The following BTG2 variants were observed in gnomAD, a reference collection of about 807,000 sequenced individuals.
BTG2 encodes the protein BTG anti-proliferation factor 2.
A neutral mutation model predicts 13.1 loss-of-function variants in BTG2; 9 were observed. The ratio of observed to expected loss-of-function variants is 0.69; its 90% CI spans 0.41 to 1.20. BTG2 has a LOEUF of 1.20. Ranked by LOEUF, BTG2 falls within the 50% of genes most tolerant of loss-of-function variation. The pLI, the probability that BTG2 is intolerant of heterozygous loss-of-function variation, is 0.00. For missense variants in BTG2, 200 were observed against 209.5 expected (o/e 0.95, Z 0.28); for synonymous variants, 92 against 88.6 (o/e 1.04, Z -0.21).
rs1444862686 is a variant in BTG2 at position 203,307,631 on chromosome 1, G to T, written c.*193G>T. The T allele has an allele frequency of 2.3e-6, 1 of 428,244 alleles. No individual in the cohort carries two copies. The highest frequency in any genetic ancestry group is 3.9e-6 in the Non-Finnish European group (1 of 253,392). The allele number at this position is 428,244 out of a possible 1,614,324, so 26.5% of individuals were successfully genotyped here. A position where few individuals can be genotyped will look rare whatever the true frequency, so the allele number is the denominator to read the frequency against. On this transcript the variant is annotated 3_prime_UTR_variant, in exon 2 of 2. Coordinates refer to ENST00000290551, the MANE Select transcript of BTG2 (RefSeq NM_006763.3). ...AATCCTTCAAGGGAGCTGCTTGGAA[G>T]TGGCCTCCCCAGGTGCCTTTGGAGA... is the stretch of plus-strand genomic sequence containing the variant.
At chr1:203,305,801 C>T in intron 1 of BTG2, 53 bp downstream of exon 1, 1 of 1,518,284 alleles carries the variant, frequency 6.6e-7, no homozygotes, top group Non-Finnish European at 8.8e-7. Flanking sequence ...CCATCCCTGC[C>T]AGGGCCGTCT....
chr1:203,307,635 C>T lies in BTG2; in HGVS notation c.*197C>T. 2.4e-6 allele frequency: 1 copy of T among 414,904 alleles called. No homozygotes were observed. The highest frequency in any genetic ancestry group is 7.0e-5 in the South Asian group (1 of 14,224). 25.7% of individuals were successfully genotyped at this position (414,904 alleles called of 1,614,324 possible). ...CTTCAAGGGAGCTGCTTGGAAGTGG[C>T]CTCCCCAGGTGCCTTTGGAGAGAAC... is the stretch of plus-strand genomic sequence containing the variant. On this transcript the variant is annotated 3_prime_UTR_variant, in exon 2 of 2. Transcript: ENST00000290551.
intron 1 of BTG2, among the ~76,000 whole-genome samples, chr1:203,306,378 G>C: frequency 6.6e-6 from 1 of 152,174 alleles, no homozygotes; most frequent in East Asian, 1.9e-4. Context: ...GAGGTGAAGA[G>C]ATAAGCAGCC....
In BTG2 at chr1:203,305,748, G is replaced by A. The variant is rs753317706; in HGVS notation, c.142G>A (p.Glu48Lys). 3 of 1,545,950 alleles carry A rather than the reference G, an allele frequency of 1.9e-6. No homozygotes were observed. Among genetic ancestry groups the A allele is most frequent in the East Asian group, 2.5e-5 (1 of 40,464 alleles). ...CGGGGCGCTCCAGGAGGCACTCACA[G>A]GTGAGCGCATGCCGAGGGGCCTGGC... ...FSGALQEALT[E>K]HYKHHWFPEK... is the part of the protein sequence containing the mutation. The change falls in exon 1 of 2, where the codon GAG becomes AAG. Residue 48 changes from glutamate to lysine, a missense_variant and splice_region_variant. Transcript: ENST00000290551.
chr1:203,306,079 C>T (rs1658255834), intron 1 of BTG2, among the ~76,000 whole-genome samples: 1 of 152,286 alleles, frequency 6.6e-6, no homozygotes, highest in South Asian at 2.1e-4. Context: ...CCCTCGAGAT[C>T]TTAAGACCCT....
rs1658334796 is a variant in BTG2 at position 203,309,056 on chromosome 1, C to T, written c.*1618C>T. 6.5e-6 allele frequency: 1 copy of T among 152,680 alleles called. No individual in the cohort carries two copies. Among genetic ancestry groups the T allele is most frequent in the Non-Finnish European group, 1.5e-5 (1 of 68,070 alleles). 9.5% of individuals were successfully genotyped at this position (152,680 alleles called of 1,614,324 possible). ...CCAGGTTCTCCTCCCCACAGCCAGT[C>T]CCCTTTCCTGGATTTCTAAACTGCT... On this transcript the variant is annotated 3_prime_UTR_variant, in exon 2 of 2. Transcript: ENST00000290551.
chr1:203,305,885 G>T, intron 1 of BTG2, 137 bp downstream of exon 1: 1 of 1,232,390 alleles, frequency 8.1e-7, no homozygotes, highest in Non-Finnish European at 1.1e-6. Flanking sequence ...GACCCCCGGG[G>T]CGGCCCGCAG....
Position 203,305,550 on chromosome 1 carries a change from C to G in BTG2, c.-57C>G. The stretch of plus-strand genomic sequence containing the variant: ...CGAGCAGCGGCCAGGGTAACGCTGT[C>G]TTGTGGACCCGCACTTCCCACCCGA... On this transcript the variant is annotated 5_prime_UTR_variant, in exon 1 of 2. Transcript: ENST00000290551. 1 of 1,560,606 alleles carries G rather than the reference C, an allele frequency of 6.4e-7. No individual in the cohort carries two copies. Among genetic ancestry groups the G allele is most frequent in the Non-Finnish European group, 8.7e-7 (1 of 1,152,320 alleles).
In BTG2 at chr1:203,307,730, C is replaced by A; in HGVS notation, c.*292C>A. Reference sequence around the variant, plus strand: ...GGGAGCTGTTAGGGGGTAGACCTAGCCAAGGAGAAGTGGGAGACGTTTGGC... The same window carrying A: ...GGGAGCTGTTAGGGGGTAGACCTAGACAAGGAGAAGTGGGAGACGTTTGGC... On this transcript the variant is annotated 3_prime_UTR_variant, in exon 2 of 2. Transcript: ENST00000290551. 4.7e-6 allele frequency: 1 copy of A among 213,508 alleles called. No individual in the cohort carries two copies. The highest frequency in any genetic ancestry group is 9.1e-6 in the Non-Finnish European group (1 of 109,430). The allele number at this position is 213,508 out of a possible 1,614,324, so 13.2% of individuals were successfully genotyped here.
chr1:203,307,401 G>A lies in BTG2; in HGVS notation c.440G>A (p.Ser147Asn), dbSNP rs772569959. Residue 147 changes from serine to asparagine, a missense_variant, in exon 2 of 2, where the codon AGC becomes AAC. Physicochemically the swap from Ser to Asn is conservative, Grantham distance 46. Transcript: ENST00000290551. The stretch of plus-strand genomic sequence containing the variant: ...AACCAAGTGCTGCTGGGCCGGAGCA[G>A]CCCCTCCAAGAACTACGTGATGGCA... ...CKNQVLLGRS[S>N]PSKNYVMAVS... The A allele has an allele frequency of 6.2e-7, 1 of 1,602,932 alleles. No homozygotes were observed. Among genetic ancestry groups the A allele is most frequent in the South Asian group, 1.1e-5 (1 of 90,674 alleles).
intron 1 of BTG2, among the ~76,000 whole-genome samples, chr1:203,306,174 G>C (rs1658266544): frequency 6.6e-6 from 1 of 152,208 alleles, no homozygotes; most frequent in African/African-American, 2.4e-5. Flanking sequence ...CAACAATTTG[G>C]AGTCCCAGTG....
intron 1 of BTG2, among the ~76,000 whole-genome samples, chr1:203,306,793 C>T (rs1389751493): frequency 7.8e-6 from 1 of 128,444 alleles, no homozygotes; most frequent in Non-Finnish European, 1.7e-5. Context: ...GAATCCCCTC[C>T]CAACACGCAC....
Position 203,307,402 on chromosome 1 carries a change from C to G in BTG2, c.441C>G (p.Ser147Arg). The G allele has an allele frequency of 6.2e-7, 1 of 1,602,592 alleles. No homozygotes were observed. Among genetic ancestry groups the G allele is most frequent in the Non-Finnish European group, 8.5e-7 (1 of 1,171,518 alleles). The part of the protein sequence containing the change: ...CKNQVLLGRS[S>R]PSKNYVMAVS... Reference sequence around the variant, plus strand: ...ACCAAGTGCTGCTGGGCCGGAGCAGCCCCTCCAAGAACTACGTGATGGCAG... The same window carrying G: ...ACCAAGTGCTGCTGGGCCGGAGCAGGCCCTCCAAGAACTACGTGATGGCAG... The change falls in exon 2 of 2, where the codon AGC becomes AGG. Residue 147 changes from serine (S) to arginine (R), a missense_variant. Physicochemically the swap from Ser to Arg is moderately radical, Grantham distance 110. Coordinates refer to ENST00000290551, the MANE Select transcript of BTG2 (RefSeq NM_006763.3).
At chr1:203,306,549 CTG>C (rs1658278800) in intron 1 of BTG2, among the ~76,000 whole-genome samples, 1 of 152,120 alleles carries the variant, frequency 6.6e-6, no homozygotes, top group Non-Finnish European at 1.5e-5. Context: ...CCCTTAGGCA[CTG>C]CTAAGGAAGG....
chr1:203,305,756 C>T lies in BTG2; in HGVS notation c.142+8C>T. 1 of 1,543,778 alleles carries T rather than the reference C, an allele frequency of 6.5e-7. No individual in the cohort carries two copies. On this transcript the variant is annotated splice_region_variant and intron_variant, in intron 1 of 1. Coordinates refer to ENST00000290551, the MANE Select transcript of BTG2 (RefSeq NM_006763.3). ...TCCAGGAGGCACTCACAGGTGAGCG[C>T]ATGCCGAGGGGCCTGGCGCCACCGG...
rs969586109 is a variant in BTG2 at position 203,308,583 on chromosome 1, A to G, written c.*1145A>G. The G allele has an allele frequency of 2.6e-5, 4 of 152,768 alleles. No homozygotes were observed. Among genetic ancestry groups the G allele is most frequent in the Middle Eastern group, 3.4e-3 (1 of 296 alleles). 9.5% of individuals were successfully genotyped at this position (152,768 alleles called of 1,614,324 possible). A position where few individuals can be genotyped will look rare whatever the true frequency, so the allele number is the denominator to read the frequency against. The stretch of plus-strand genomic sequence containing the variant: ...GATGCCCTGGTGGGCTTAGGGAACC[A>G]TCTCTCCTGCTCTCCTTGGGATGAT... On this transcript the variant is annotated 3_prime_UTR_variant, in exon 2 of 2. Transcript: ENST00000290551.
chr1:203,307,230 C>T lies in BTG2; in HGVS notation c.269C>T (p.Pro90Leu). The T allele has an allele frequency of 6.2e-7, 1 of 1,614,224 alleles. No individual in the cohort carries two copies. Among genetic ancestry groups the T allele is most frequent in the Non-Finnish European group, 8.5e-7 (1 of 1,180,048 alleles). The change falls in exon 2 of 2, where the codon CCC becomes CTC. Residue 90 changes from proline (P) to leucine (L), a missense_variant. Coordinates refer to ENST00000290551, the MANE Select transcript of BTG2 (RefSeq NM_006763.3). ...RVASQIGLSQPQLHQLLPSEL... is the reference protein window; with the variant it reads ...RVASQIGLSQLQLHQLLPSEL... The stretch of plus-strand genomic sequence containing the variant: ...GCCAGCCAGATCGGACTCAGCCAGC[C>T]CCAGCTGCACCAGCTGCTGCCCAGC...
rs565590165 is a variant in BTG2 at position 203,306,999 on chromosome 1, C to G, written c.143-105C>G. 1.8e-4 allele frequency: 172 copies of G among 938,906 alleles called. No individual in the cohort carries two copies. In the East Asian group the frequency reaches 4.4e-3, roughly 24 times the overall value. 58.2% of individuals were successfully genotyped at this position (938,906 alleles called of 1,614,324 possible). Reference sequence around the variant, plus strand: ...GAATCCACCTCCCTTACTTAAAGGGCCCCTTTCTCTCCTCCTGTCCCTTGA... The same window carrying G: ...GAATCCACCTCCCTTACTTAAAGGGGCCCTTTCTCTCCTCCTGTCCCTTGA... On this transcript the variant is annotated intron_variant, in intron 1 of 1. Coordinates refer to ENST00000290551, the MANE Select transcript of BTG2 (RefSeq NM_006763.3).
At chr1:203,307,043 G>C in intron 1 of BTG2, 61 bp from the exon 2 acceptor site, 1 of 1,458,778 alleles carries the variant, frequency 6.9e-7, no homozygotes, top group Middle Eastern at 1.8e-4. Flanking sequence ...CCCGCCCTAT[G>C]GTAGTATCCA....
Sources: allele counts gnomAD v4.1 joint callset (sites outside exome capture counted in the v4.1 genomes callset), GRCh38; gene constraint gnomAD v4.1.1; transcripts MANE v1.5; gene names NCBI Gene and HGNC (gene_info 2026-07-23, HGNC 2026-07-21).